The following IL2RB variants were observed in gnomAD, a reference collection of about 807,000 sequenced individuals.
IL2RB encodes the protein interleukin-2 receptor subunit beta.
Under a neutral mutation model 44.2 loss-of-function variants are expected in IL2RB, and 17 were observed. That is an observed-to-expected ratio of 0.38 (90% CI 0.26 to 0.58). The LOEUF (loss-of-function observed/expected upper bound fraction) is 0.58. IL2RB is among the 20% of genes least tolerant of loss of function. IL2RB has a pLI of 0.63. For missense variants in IL2RB, 624 were observed against 685.5 expected (o/e 0.91, Z 1.00); for synonymous variants, 286 against 297.9 (o/e 0.96, Z 0.41).
intron 9 of IL2RB, among the ~76,000 whole-genome samples, chr22:37,130,614 T>TAG (rs1880548954): frequency 2.0e-5 from 3 of 152,176 alleles, no homozygotes; most frequent in African/African-American, 7.2e-5. Flanking sequence ...AAGGATACCA[T>TAG]ACCCTCATGG....
rs142056322 is a variant in IL2RB, at chr22:37,130,914, C to T, written c.903+1470G>A. On this transcript the variant is annotated intron_variant, in intron 9 of 9. Coordinates refer to ENST00000216223, the MANE Select transcript of IL2RB (RefSeq NM_000878.5). ...AGGCACGGTGGCGCACGCCTGTAAT[C>T]CCAGCACTTTGGGAGGCCGAGGCGG... is the stretch of plus-strand genomic sequence containing the variant. Among the ~76,000 whole-genome samples, 516 of 152,334 alleles carry T rather than the reference C, an allele frequency of 3.4e-3. 5 individuals carry two copies. Among genetic ancestry groups the T allele is most frequent in the African/African-American group, 0.012 (505 of 41,576 alleles).
rs140679638 is a variant in IL2RB, at chr22:37,168,043, C to G, written c.-34+6915G>C. On this transcript the variant is annotated intron_variant, in intron 1 of 5. Coordinates refer to the IL2RB transcript ENST00000429622. ...GACAAGGATGTGTGGGATTTGAACT[C>G]TAACTCAGAGTACCTTCTCTTGGTA... Among the ~76,000 whole-genome samples, 101 of 152,316 alleles carry G rather than the reference C, an allele frequency of 6.6e-4. 1 individual carries two copies. The East Asian group carries it at 8.5e-3, about 13-fold the overall frequency.
Position 37,143,524 on chromosome 22 carries a change from C to A in IL2RB, c.200G>T (p.Arg67Ile). Residue 67 changes from arginine (R) to isoleucine (I), a missense_variant, in exon 3 of 10, where the codon AGA becomes ATA. By Grantham distance (97) the Arg-to-Ile change is moderately conservative. Transcript: ENST00000216223. ...TSCQVHAWPD[R>I]RRWNQTCELL... ...GCAGTGTGGCCAGTGGACTCACCGT[C>A]TGTCCGGCCAGGCATGGACTTGGCA... is the stretch of plus-strand genomic sequence containing the variant. The A allele has an allele frequency of 6.2e-7, 1 of 1,605,534 alleles. No homozygotes were observed. Among genetic ancestry groups the A allele is most frequent in the Non-Finnish European group, 8.5e-7 (1 of 1,172,194 alleles).
chr22:37,143,894 TGTGTGTGTGTGTGTGTGTGTGTGTGC>T (rs1215947256), intron 2 of IL2RB, among the ~76,000 whole-genome samples, 165 bp downstream of exon 2: 1 of 120,908 alleles, frequency 8.3e-6, no homozygotes, highest in Non-Finnish European at 1.7e-5. Flanking sequence ...CGTGTGTGTG[TGTGTGTGTGTGTGTGTGTGTGTGTGC>T]GCGCATTCAT....
At chr22:37,157,585 T>C (rs1922724472) in intron 1 of IL2RB, among the ~76,000 whole-genome samples, 1 of 152,200 alleles carries the variant, frequency 6.6e-6, no homozygotes, top group African/African-American at 2.4e-5. Context: ...ACATAAGATT[T>C]ACAGTGATAT....
At chr22:37,173,478 C>T (rs1367556971) in intron 1 of IL2RB, among the ~76,000 whole-genome samples, 1 of 152,242 alleles carries the variant, frequency 6.6e-6, no homozygotes, top group African/African-American at 2.4e-5. Flanking sequence ...TTTTTCTGTA[C>T]TTCACAGTTT....
chr22:37,156,036 C>T (rs1292047115), intron 1 of IL2RB, among the ~76,000 whole-genome samples: 3 of 152,180 alleles, frequency 2.0e-5, no homozygotes, highest in Non-Finnish European at 4.4e-5. Context: ...CTCCTCAGTC[C>T]TGGTATCTGC....
intron 1 of IL2RB, chr22:37,162,083 G>A (rs373375228): frequency 4.6e-5 from 7 of 152,246 alleles, no homozygotes; most frequent in African/African-American, 1.2e-4. Flanking sequence ...GCTGACACAG[G>A]TGCCTTAGCC....
At chr22:37,130,525 G>T (rs1355572559) in intron 9 of IL2RB, among the ~76,000 whole-genome samples, 2 of 152,206 alleles carry the variant, frequency 1.3e-5, no homozygotes, top group Non-Finnish European at 1.5e-5. Context: ...TGCAGAAAAG[G>T]TGGGGCCTGC....
At chr22:37,136,717 T>A (rs1275423797) in intron 6 of IL2RB, among the ~76,000 whole-genome samples, 1 of 152,006 alleles carries the variant, frequency 6.6e-6, no homozygotes, top group East Asian at 1.9e-4. Flanking sequence ...GGTCTCTGGT[T>A]CCCACCCGTG....
In IL2RB at chr22:37,136,485, C is replaced by A; in HGVS notation, c.538-92G>T. ...CACAGAACCCCCCCCCAACCCCTGC[C>A]AGCTGCACCCCCACTTCCTTGCCAC... On this transcript the variant is annotated intron_variant, in intron 6 of 9. Transcript: ENST00000216223. The A allele has an allele frequency of 3.0e-6, 4 of 1,352,048 alleles. No homozygotes were observed. In the East Asian group the frequency reaches 1.0e-4, roughly 34 times the overall value. 83.8% of individuals were successfully genotyped at this position (1,352,048 alleles called of 1,614,324 possible).
intron 1 of IL2RB, among the ~76,000 whole-genome samples, chr22:37,174,479 C>G (rs1016915384): frequency 1.3e-5 from 2 of 152,166 alleles, no homozygotes; most frequent in African/African-American, 2.4e-5. Context: ...GCACCACGCT[C>G]AGATCAGGCC....
chr22:37,149,975 T>C, upstream of IL2RB: 2 of 941,056 alleles, frequency 2.1e-6, no homozygotes, highest in Non-Finnish European at 2.5e-6. Flanking sequence ...GTGCAGAGGA[T>C]AGAGGGGCAA....
At chr22:37,139,086 G>T in intron 5 of IL2RB, 31 bp downstream of exon 5, 1 of 1,426,444 alleles carries the variant, frequency 7.0e-7, no homozygotes, top group Non-Finnish European at 9.9e-7. Context: ...GCCCAGCCCT[G>T]CCCCAGCCCC....
At position 37,139,187 on chromosome 22, in the gene IL2RB, C is replaced by T. The variant is rs1465910963; in HGVS notation, c.318G>A (p.Leu106=). ...QKLTTVDIVT[L]RVLCREGVRW... is the part of the protein sequence containing the mutation. ...GCACCCCCTCACGGCACAGCACCCT[C>T]AGGGTGACGATGTCAACTGTGGTCA... is the stretch of plus-strand genomic sequence containing the variant. Residue 106 remains leucine (L), a synonymous_variant, in exon 5 of 10, where the codon CTG becomes CTA. Transcript: ENST00000216223. 2 of 1,613,742 alleles carry T rather than the reference C, an allele frequency of 1.2e-6. No homozygotes were observed. Among genetic ancestry groups the T allele is most frequent in the South Asian group, 1.1e-5 (1 of 91,008 alleles).
At chr22:37,136,656 C>T (rs991121313) in intron 6 of IL2RB, among the ~76,000 whole-genome samples, 4 of 152,066 alleles carry the variant, frequency 2.6e-5, no homozygotes, top group African/African-American at 9.7e-5. Context: ...CCTCTCTCCC[C>T]GCCGCACTCA....
At chr22:37,157,933 C>A (rs548147391) in intron 1 of IL2RB, among the ~76,000 whole-genome samples, 1 of 152,302 alleles carries the variant, frequency 6.6e-6, no homozygotes, top group East Asian at 1.9e-4. Context: ...TGAGAATACA[C>A]ATTAAAAACA....
At chr22:37,164,665 G>A (rs529530604) in intron 1 of IL2RB, among the ~76,000 whole-genome samples, 122 of 152,150 alleles carry the variant, frequency 8.0e-4, no homozygotes, top group African/African-American at 2.7e-3. Context: ...CTCAGGCCCA[G>A]AATGCAGACC....
At chr22:37,157,490 T>C (rs1922720509) in intron 1 of IL2RB, among the ~76,000 whole-genome samples, 1 of 152,210 alleles carries the variant, frequency 6.6e-6, no homozygotes, top group Non-Finnish European at 1.5e-5. Context: ...GCTCCTATCT[T>C]GTGCAAACCA....
Sources: gnomAD v4.1 joint callset for allele counts (sites outside exome capture counted in the v4.1 genomes callset) on GRCh38, gnomAD v4.1.1 for gene constraint, MANE v1.5 for transcripts, NCBI Gene and HGNC (gene_info 2026-07-23, HGNC 2026-07-21) for gene names.